HYDIN: variants seen among roughly 807,000 people sequenced by gnomAD.
HYDIN encodes axonemal central pair apparatus protein HYDIN.
In HYDIN, 132 loss-of-function variants were observed where a neutral mutation model predicts 403.9. The observed-to-expected ratio is 0.33, with a 90% CI of 0.28 to 0.38. The LOEUF (loss-of-function observed/expected upper bound fraction) is 0.38. HYDIN is among the 10% of genes least tolerant of loss of function. The pLI is 1.00. For synonymous variants in HYDIN, 1,202 were observed against 1,891.7 expected, an observed-to-expected ratio of 0.64 and a Z score of 9.46; for missense variants, 2,827 against 5,009.5, an observed-to-expected ratio of 0.56 and a Z score of 13.15.
chr16:70,999,293 C>T (rs1198128887), intron 23 of HYDIN, among the ~76,000 whole-genome samples: 1 of 151,656 alleles, frequency 6.6e-6, no homozygotes, highest in African/African-American at 2.4e-5. Flanking sequence ...TTCTAATGTG[C>T]ATTCATGGCT....
chr16:70,925,760 A>C (rs1421930933), intron 45 of HYDIN, among the ~76,000 whole-genome samples: 1 of 152,022 alleles, frequency 6.6e-6, no homozygotes, highest in Admixed American at 6.6e-5. Flanking sequence ...AAACAAATTT[A>C]CAAGAAAAAA....
intron 30 of HYDIN, 149 bp downstream of exon 30, chr16:70,978,765 G>T: frequency 2.5e-6 from 2 of 814,572 alleles, no homozygotes; most frequent in Non-Finnish European, 3.7e-6. Flanking sequence ...CAGAGACCAT[G>T]TCCTTGCCCC....
chr16:70,986,090 G>A (rs367997954), intron 27 of HYDIN, among the ~76,000 whole-genome samples: 1 of 112,862 alleles, frequency 8.9e-6, no homozygotes, highest in African/African-American at 3.5e-5. Context: ...ATATACCCTA[G>A]AACTTAAAGT....
At chr16:70,954,911 G>T (rs1467090503) in intron 40 of HYDIN, among the ~76,000 whole-genome samples, 1 of 152,012 alleles carries the variant, frequency 6.6e-6, no homozygotes, top group Non-Finnish European at 1.5e-5. Flanking sequence ...TGCTTTTTTG[G>T]TCTGGAATGT....
At chr16:71,226,027 C>G (rs1253651943) in intron 1 of HYDIN, among the ~76,000 whole-genome samples, 1 of 152,078 alleles carries the variant, frequency 6.6e-6, no homozygotes, top group Non-Finnish European at 1.5e-5. Flanking sequence ...AATCAAAATG[C>G]CAGCAGATAT....
intron 1 of HYDIN, among the ~76,000 whole-genome samples, chr16:71,220,135 T>C (rs2089123911): frequency 6.6e-6 from 1 of 152,160 alleles, no homozygotes; most frequent in South Asian, 2.1e-4. Flanking sequence ...CAAAAATCTG[T>C]TACACAGATC....
intron 25 of HYDIN, among the ~76,000 whole-genome samples, chr16:70,989,675 TA>T (rs2079283083): frequency 6.6e-6 from 1 of 152,204 alleles, no homozygotes; most frequent in Admixed American, 6.5e-5. Context: ...GATACAAATT[TA>T]AAATATTCAA....
At chr16:71,153,192 CA>C (rs1389942822) in intron 6 of HYDIN, among the ~76,000 whole-genome samples, 1 of 151,988 alleles carries the variant, frequency 6.6e-6, no homozygotes, top group African/African-American at 2.4e-5. Context: ...TTGTCATTTT[CA>C]AAAGAACAGT....
rs188915433 is a variant in HYDIN at position 70,829,600 on chromosome 16, G to C, written c.14112+18C>G. ...ACTATGCCAGGAAACCAATGGGGGT[G>C]GGGGGACCTCAGTCTACCTGGTGCT... is the stretch of plus-strand genomic sequence containing the variant. On this transcript the variant is annotated intron_variant, in intron 81 of 85. Coordinates refer to ENST00000393567, the MANE Select transcript of HYDIN (RefSeq NM_001270974.2). 8 of 1,603,462 alleles carry C rather than the reference G, an allele frequency of 5.0e-6. No individual in the cohort carries two copies. In the South Asian group the frequency reaches 7.7e-5, roughly 15 times the overall value.
In HYDIN at chr16:70,964,810, C is replaced by G; in HGVS notation, c.5706G>C (p.Leu1902=). 1 of 1,581,988 alleles carries G rather than the reference C, an allele frequency of 6.3e-7. No individual in the cohort carries two copies. The highest frequency in any genetic ancestry group is 8.7e-7 in the Non-Finnish European group (1 of 1,150,666). The change falls in exon 37 of 86, where the codon CTG becomes CTC. Residue 1902 remains leucine, a synonymous_variant. Transcript: ENST00000393567. ...TCTTTATCTCTTTGAAGTACTCGTACAGTTCTGGGGGCAGCTTCTCCCCAG... is the reference window on the plus strand; with the variant it reads ...TCTTTATCTCTTTGAAGTACTCGTAGAGTTCTGGGGGCAGCTTCTCCCCAG... The part of the protein sequence containing the change: ...RNPGEKLPPE[L]YEYFKEIKKS...
At chr16:71,227,147 ATG>A (rs1032698797) in intron 1 of HYDIN, among the ~76,000 whole-genome samples, 88 of 149,926 alleles carry the variant, frequency 5.9e-4, no homozygotes, top group Admixed American at 1.1e-3. Context: ...ATATATGTGT[ATG>A]TGTGTGTGTG....
Position 71,102,186 on chromosome 16 carries a change from A to G in HYDIN, c.1328-8251T>C, listed in dbSNP as rs966620912. 1.0e-3 allele frequency among the ~76,000 whole-genome samples: 159 copies of G among 152,136 alleles called. 2 individuals are homozygous for G. The highest frequency in any genetic ancestry group is 6.8e-3 in the Middle Eastern group (2 of 294). ...GATTAACTGACTACACAAAATTTTA[A>G]ATGGATAGTTACCTCTCTGCAGGAA... On this transcript the variant is annotated intron_variant, in intron 10 of 85. Coordinates refer to ENST00000393567, the MANE Select transcript of HYDIN (RefSeq NM_001270974.2).
In HYDIN at chr16:71,204,744, G is replaced by A. The variant is rs189492991; in HGVS notation, c.-23-17826C>T. Among the ~76,000 whole-genome samples, 7 of 152,256 alleles carry A rather than the reference G, an allele frequency of 4.6e-5. No homozygotes were observed. The East Asian group carries it at 9.7e-4, about 21-fold the overall frequency. ...TAAATATTGAGAGGAAATTCTTAGT[G>A]TGCTGCTTTCACAGGGTTTGGCCAG... On this transcript the variant is annotated intron_variant, in intron 1 of 85. Coordinates refer to ENST00000393567, the MANE Select transcript of HYDIN (RefSeq NM_001270974.2).
intron 2 of HYDIN, 43 bp downstream of exon 2, chr16:71,186,718 G>A: frequency 6.6e-7 from 1 of 1,508,288 alleles, no homozygotes; most frequent in Admixed American, 1.7e-5. Context: ...CTCCTAAGGA[G>A]ATTGCATTAA....
chr16:71,023,014 T>A (rs1206451382), intron 21 of HYDIN, among the ~76,000 whole-genome samples: 3 of 152,034 alleles, frequency 2.0e-5, no homozygotes, highest in Non-Finnish European at 4.4e-5. Context: ...TAACATATAT[T>A]ACGTCTTGCC....
At position 71,152,146 on chromosome 16, in the gene HYDIN, A is replaced by G. The variant is rs367987829; in HGVS notation, c.841+513T>C. ...GCTCCTGGGGATGGGCTCCTTCCTG[A>G]GTCCTGTATTCCTCAGGCTTTCAAG... On this transcript the variant is annotated intron_variant, in intron 7 of 85. Transcript: ENST00000393567. Among the ~76,000 whole-genome samples the G allele has an allele frequency of 2.0e-3, 299 of 150,532 alleles. 6 individuals carry two copies. Among genetic ancestry groups the G allele is most frequent in the African/African-American group, 6.9e-3 (283 of 41,150 alleles).
chr16:70,821,263 C>T (rs907113562), intron 83 of HYDIN, among the ~76,000 whole-genome samples: 3 of 152,230 alleles, frequency 2.0e-5, no homozygotes, highest in Non-Finnish European at 4.4e-5. Flanking sequence ...TTGCATTTCC[C>T]TAGGTATTGA....
intron 44 of HYDIN, among the ~76,000 whole-genome samples, chr16:70,937,811 G>A (rs61359105): frequency 0.049 from 7,334 of 149,364 alleles, 245 homozygotes; most frequent in African/African-American, 0.17. Context: ...TACCTCCAGC[G>A]CCTGAAATCC....
At chr16:71,079,038 G>A (rs1490847040) in intron 13 of HYDIN, among the ~76,000 whole-genome samples, 1 of 151,966 alleles carries the variant, frequency 6.6e-6, no homozygotes, top group Non-Finnish European at 1.5e-5. Flanking sequence ...CTTCTAGGAA[G>A]TGTCCTTAAA....
Sources: gnomAD v4.1 joint callset for allele counts (sites outside exome capture counted in the v4.1 genomes callset) on GRCh38, gnomAD v4.1.1 for gene constraint, MANE v1.5 for transcripts, NCBI Gene and HGNC (gene_info 2026-07-23, HGNC 2026-07-21) for gene names.